The following CRELD1 variants were observed in gnomAD, a reference collection of about 807,000 sequenced individuals.
The protein encoded by CRELD1 is CRELD disulfide isomerase 1, also known as protein disulfide isomerase CRELD1.
Under a neutral mutation model 58.2 loss-of-function variants are expected in CRELD1, and 42 were observed. The ratio of observed to expected loss-of-function variants is 0.72; its 90% CI spans 0.56 to 0.93. CRELD1 has a LOEUF of 0.93. Ranked by LOEUF, CRELD1 falls within the 40% of genes least tolerant of loss-of-function variation. The pLI, the probability that CRELD1 is intolerant of heterozygous loss-of-function variation, is 0.00. For synonymous variants in CRELD1, 222 were observed against 202.0 expected, an observed-to-expected ratio of 1.10 and a Z score of -0.84; for missense variants, 500 against 540.6, an observed-to-expected ratio of 0.92 and a Z score of 0.74.
At position 9,940,893 on chromosome 3, in the gene CRELD1, G is replaced by T. The variant is rs776993688; in HGVS notation, c.504G>T (p.Gln168His). The change falls in exon 6 of 11, where the codon CAG (glutamine) becomes CAT (histidine). Residue 168 changes from glutamine (Q) to histidine (H), a missense_variant. Physicochemically the swap from Gln to His is conservative, Grantham distance 24 (BLOSUM62 0). Coordinates refer to ENST00000452070, the MANE Select transcript of CRELD1 (RefSeq NM_001077415.3). ...GTERPCGGYG[Q>H]CEGEGTRGGS... is the part of the protein sequence containing the mutation. ...AGAGGCCCTGCGGTGGCTACGGGCA[G>T]TGTGAAGGAGAAGGGACACGAGGGG... is the stretch of plus-strand genomic sequence containing the variant. 16 of 1,614,078 alleles carry T rather than the reference G, an allele frequency of 9.9e-6. No individual in the cohort carries two copies. The South Asian group carries it at 1.3e-4, about 13-fold the overall frequency.
chr3:9,937,758 CA>C (rs2085236642), intron 4 of CRELD1, 86 bp downstream of exon 4: 1 of 963,052 alleles, frequency 1.0e-6, no homozygotes, highest in Admixed American at 2.0e-5. Context: ...CAGGGGGGTG[CA>C]TGCTGGGGCC....
intron 3 of CRELD1, chr3:9,935,724 A>G (rs1449764493): frequency 6.6e-6 from 1 of 152,208 alleles, no homozygotes; most frequent in Non-Finnish European, 1.5e-5. Flanking sequence ...GGGCCTGAGC[A>G]ACTGGGTGAG....
In CRELD1 at chr3:9,937,923, TCA is replaced by T. The variant is rs1199389253; in HGVS notation, c.369-89_369-88del. ...GGTCTTATGTCCAAGCTGGGTTGAA[TCA>T]CAGATTCAGGCATGGGGGAATGGGA... On this transcript the variant is annotated intron_variant, in intron 4 of 10. Coordinates refer to ENST00000452070, the MANE Select transcript of CRELD1 (RefSeq NM_001077415.3). 4.2e-6 allele frequency: 4 copies of T among 957,810 alleles called. No homozygotes were observed. The African/African-American group carries it at 6.5e-5, about 16-fold the overall frequency. The allele number at this position is 957,810 out of a possible 1,614,324, so 59.3% of individuals were successfully genotyped here.
In CRELD1 at chr3:9,937,562, TGAGACCCGCCTGGTA is replaced by T; in HGVS notation, c.262_276del (p.Thr88_Glu92del). The stretch of plus-strand genomic sequence containing the variant: ...CACCAGCCCTGCCCTGTCCGATCAG[TGAGACCCGCCTGGTA>T]GAGGTGCTGGAGGGTGTGTGCAGCA... On this transcript the variant is annotated inframe_deletion and splice_region_variant, in exon 4 of 11. Transcript: ENST00000452070. The T allele has an allele frequency of 6.3e-7, 1 of 1,587,010 alleles. No homozygotes were observed. The highest frequency in any genetic ancestry group is 8.6e-7 in the Non-Finnish European group (1 of 1,157,812).
chr3:9,934,607 A>T lies in CRELD1; in HGVS notation c.169A>T (p.Asn57Tyr). The T allele has an allele frequency of 6.2e-7, 1 of 1,612,706 alleles. No homozygotes were observed. The highest frequency in any genetic ancestry group is 8.5e-7 in the Non-Finnish European group (1 of 1,178,830). Residue 57 changes from asparagine (N) to tyrosine (Y), a missense_variant, in exon 2 of 11, where the codon AAC (asparagine) becomes TAC (tyrosine). Physicochemically the swap from Asn to Tyr is moderately radical, Grantham distance 143. Coordinates refer to ENST00000452070, the MANE Select transcript of CRELD1 (RefSeq NM_001077415.3). Reference sequence around the variant, plus strand: ...CTGCCGGGGACTGGTTGACAGCTTTAACAAGGTGGGTGCACCGGCAGCCTC... The same window carrying T: ...CTGCCGGGGACTGGTTGACAGCTTTTACAAGGTGGGTGCACCGGCAGCCTC... ...HTCRGLVDSF[N>Y]KGLERTIRDN...
rs763606299 is a variant in CRELD1, at chr3:9,934,398, T to C, written c.-19-22T>C. ...GGGGCCTGACTCCTTCAGTGAAGCC[T>C]CTCCACGCCCTCTATCTGCAGGTCC... is the stretch of plus-strand genomic sequence containing the variant. On this transcript the variant is annotated intron_variant, in intron 1 of 10. Coordinates refer to ENST00000452070, the MANE Select transcript of CRELD1 (RefSeq NM_001077415.3). 3 of 1,582,612 alleles carry C rather than the reference T, an allele frequency of 1.9e-6. No homozygotes were observed. The South Asian group carries it at 3.3e-5, about 17-fold the overall frequency.
rs2085463511 is a variant in CRELD1, at chr3:9,944,411, G to A, written c.1095G>A (p.Val365=). The change falls in exon 11 of 11, where the codon GTG becomes GTA. Residue 365 remains valine (V), a synonymous_variant. Transcript: ENST00000452070. ...AGATGACAGAAGACGAGTTGGTGGT[G>A]CTGCAGCAGATGTTCTTTGGCATCA... ...FSEMTEDELV[V]LQQMFFGIII... The A allele has an allele frequency of 1.2e-6, 2 of 1,614,136 alleles. No homozygotes were observed. Among genetic ancestry groups the A allele is most frequent in the Non-Finnish European group, 1.7e-6 (2 of 1,180,038 alleles).
Position 9,934,512 on chromosome 3 carries a change from G to T in CRELD1, c.74G>T (p.Gly25Val). The T allele has an allele frequency of 6.2e-7, 1 of 1,613,200 alleles. No homozygotes were observed. The highest frequency in any genetic ancestry group is 8.5e-7 in the Non-Finnish European group (1 of 1,179,516). ...CTCAGCCTCTTCCTCAACCTCCCAG[G>T]ACCTATCTGGCTCCAGCCCTCTCCA... is the stretch of plus-strand genomic sequence containing the variant. ...WGLSLFLNLP[G>V]PIWLQPSPPP... The change falls in exon 2 of 11, where the codon GGA (glycine) becomes GTA (valine). Residue 25 changes from glycine (G) to valine (V), a missense_variant. Transcript: ENST00000452070.
intron 3 of CRELD1, among the ~76,000 whole-genome samples, chr3:9,937,172 T>C (rs946110537): frequency 6.6e-6 from 1 of 152,202 alleles, no homozygotes; most frequent in African/African-American, 2.4e-5. Context: ...CCACCTGCAG[T>C]GTGGGAGGAT....
At chr3:9,944,124 C>T (rs1237550681) in intron 10 of CRELD1, 2 of 788,238 alleles carry the variant, frequency 2.5e-6, no homozygotes, top group Non-Finnish European at 4.7e-6. Flanking sequence ...CCAACTTGTC[C>T]ACCACATGGC....
rs375356409 is a variant in CRELD1, at chr3:9,940,355, C to T, written c.461-495C>T. ...AGGTTGTAGCGAGCCGAGATCACGC[C>T]ACTGCACTCCAGCCTGGGCACCATT... On this transcript the variant is annotated intron_variant, in intron 5 of 10. Transcript: ENST00000452070. Among the ~76,000 whole-genome samples, 914 of 152,222 alleles carry T rather than the reference C, an allele frequency of 6.0e-3. 7 individuals are homozygous for T. In the East Asian group the frequency reaches 0.061, roughly 10 times the overall value.
At chr3:9,940,715 AGAGGGAAAGGGG>A in intron 5 of CRELD1, 123 bp from the exon 6 acceptor site, 1 of 521,816 alleles carries the variant, frequency 1.9e-6, no homozygotes, top group East Asian at 3.5e-5. Context: ...GGGGAGAGGG[AGAGGGAAAGGGG>A]GAGGGGGAGG....
At chr3:9,938,859 CA>C (rs562345417) in intron 5 of CRELD1, among the ~76,000 whole-genome samples, 3,100 of 127,822 alleles carry the variant, frequency 0.024, 117 homozygotes, top group African/African-American at 0.08. Context: ...GACTCTGTCT[CA>C]AAAAAAAAAA....
intron 5 of CRELD1, among the ~76,000 whole-genome samples, chr3:9,939,109 G>T (rs2085275067): frequency 6.6e-6 from 1 of 151,670 alleles, no homozygotes; most frequent in African/African-American, 2.4e-5. Context: ...TCATGTCATT[G>T]CCTGGGAAAC....
intron 10 of CRELD1, 70 bp from the exon 11 acceptor site, chr3:9,944,295 C>G: frequency 4.4e-6 from 6 of 1,378,744 alleles, no homozygotes; most frequent in Non-Finnish European, 6.2e-6. Flanking sequence ...TGTGGGAGTT[C>G]TGGGGAGACT....
chr3:9,940,966 G>A lies in CRELD1; in HGVS notation c.577G>A (p.Gly193Ser). Residue 193 changes from glycine (G) to serine (S), a missense_variant, in exon 6 of 11, where the codon GGC becomes AGC. Coordinates refer to ENST00000452070, the MANE Select transcript of CRELD1 (RefSeq NM_001077415.3). ...CQAGYGGEAC[G>S]QCGLGYFEAE... ...AGCCGGCTACGGGGGTGAGGCCTGT[G>A]GCCAGTGTGGCCTTGGCTACTTTGA... The A allele has an allele frequency of 6.2e-7, 1 of 1,614,172 alleles. No homozygotes were observed. Among genetic ancestry groups the A allele is most frequent in the Non-Finnish European group, 8.5e-7 (1 of 1,180,038 alleles).
intron 10 of CRELD1, chr3:9,944,110 GC>G: frequency 1.3e-6 from 1 of 789,624 alleles, no homozygotes. Flanking sequence ...TAAATGCTCT[GC>G]CCCCAACTTG....
intron 3 of CRELD1, chr3:9,935,844 C>G (rs2085176827): frequency 6.6e-6 from 1 of 151,852 alleles, no homozygotes; most frequent in Admixed American, 6.6e-5. Context: ...ATTAGACATC[C>G]AGGTAGACTC....
At chr3:9,939,956 G>A (rs1338430022) in intron 5 of CRELD1, among the ~76,000 whole-genome samples, 24 of 151,744 alleles carry the variant, frequency 1.6e-4, no homozygotes, top group Non-Finnish European at 2.4e-4. Context: ...CTGGCCGGGC[G>A]GGGGGCTGAC....
Sources: gnomAD v4.1 joint callset for allele counts (sites outside exome capture counted in the v4.1 genomes callset) on GRCh38, gnomAD v4.1.1 for gene constraint, MANE v1.5 for transcripts, NCBI Gene and HGNC (gene_info 2026-07-23, HGNC 2026-07-21) for gene names.